VAPB: variants seen among roughly 807,000 people sequenced by gnomAD.
The protein encoded by VAPB is vesicle-associated membrane protein-associated protein B/C.
VAPB carries 7 observed loss-of-function variants against 25.6 expected under a neutral mutation model. The ratio of observed to expected loss-of-function variants is 0.27; its 90% CI spans 0.16 to 0.51. The LOEUF (loss-of-function observed/expected upper bound fraction) is 0.51, where lower values mean the gene tolerates loss of function less well. Ranked by LOEUF, VAPB falls within the 20% of genes least tolerant of loss-of-function variation. VAPB has a pLI of 0.97. For missense variants in VAPB, 266 were observed against 301.3 expected, an observed-to-expected ratio of 0.88 and a Z score of 0.87; for synonymous variants, 112 against 109.2, an observed-to-expected ratio of 1.03 and a Z score of -0.16.
intron 2 of VAPB, among the ~76,000 whole-genome samples, chr20:58,430,738 G>C (rs1286329705): frequency 6.6e-6 from 1 of 151,864 alleles, no homozygotes. Context: ...ACCACACCCA[G>C]ATAATTTTTG....
rs1989432789 is a variant in VAPB at position 58,450,933 on chromosome 20, A to G, written c.*6698A>G. 2.2e-6 allele frequency: 1 copy of G among 453,962 alleles called. No individual in the cohort carries two copies. The highest frequency in any genetic ancestry group is 2.3e-5 in the Admixed American group (1 of 42,558). 28.1% of individuals were successfully genotyped at this position (453,962 alleles called of 1,614,324 possible). The stretch of plus-strand genomic sequence containing the variant: ...TGGCAGCTGACATGATGTTTCCCAG[A>G]GAGAAGGAGATGTATTTCTGCAGGG... On this transcript the variant is annotated 3_prime_UTR_variant, in exon 6 of 6. Coordinates refer to ENST00000475243, the MANE Select transcript of VAPB (RefSeq NM_004738.5).
intron 3 of VAPB, among the ~76,000 whole-genome samples, chr20:58,436,327 CTTTTTTTTTTT>C (rs57100987): frequency 9.6e-5 from 11 of 114,964 alleles, no homozygotes; most frequent in South Asian, 5.6e-4. Flanking sequence ...GTTTTTCTTC[CTTTTTTTTTTT>C]TTTTTTTTTT....
Position 58,437,014 on chromosome 20 carries a change from T to TG in VAPB, c.316-1931_316-1930insG, listed in dbSNP as rs1240968377. Among the ~76,000 whole-genome samples the TG allele has an allele frequency of 7.4e-5, 11 of 149,398 alleles. No homozygotes were observed. In the Admixed American group the frequency reaches 7.4e-4, roughly 10 times the overall value. ...GAACTTTTTTTTTTTTTTTTTTTTTTTTTGAGACAAAGTCTTGCTTTGTCA... is the reference window on the plus strand; with the variant it reads ...GAACTTTTTTTTTTTTTTTTTTTTTTGTTTGAGACAAAGTCTTGCTTTGTCA... On this transcript the variant is annotated intron_variant, in intron 3 of 5. Coordinates refer to ENST00000475243, the MANE Select transcript of VAPB (RefSeq NM_004738.5).
intron 1 of VAPB, among the ~76,000 whole-genome samples, chr20:58,402,107 A>T (rs1029504230): frequency 6.6e-6 from 1 of 152,212 alleles, no homozygotes; most frequent in African/African-American, 2.4e-5. Flanking sequence ...GCTTACAATC[A>T]TTAAATGTCT....
chr20:58,425,302 G>A (rs149659282), intron 2 of VAPB, among the ~76,000 whole-genome samples: 253 of 152,344 alleles, frequency 1.7e-3, no homozygotes, highest in African/African-American at 5.5e-3. Flanking sequence ...TCTTGGAAGG[G>A]AGGGAGTGAC....
At chr20:58,439,259 T>C (rs1989111663) in intron 4 of VAPB, 2 of 532,016 alleles carry the variant, frequency 3.8e-6, no homozygotes, top group East Asian at 6.8e-5. Flanking sequence ...TGCAGCCCGA[T>C]GGCCATTGAG....
chr20:58,433,331 T>G (rs1988966369), intron 2 of VAPB, among the ~76,000 whole-genome samples: 1 of 152,194 alleles, frequency 6.6e-6, no homozygotes, highest in South Asian at 2.1e-4. Flanking sequence ...ATTCTTCATT[T>G]GTAGACCACG....
chr20:58,440,810 C>CCA, intron 4 of VAPB, 97 bp from the exon 5 acceptor site: 1 of 1,112,214 alleles, frequency 9.0e-7, no homozygotes, highest in Admixed American at 2.0e-5. Context: ...TGAAATGCTA[C>CCA]CACGTTTGGT....
chr20:58,405,218 G>A (rs1032451943), intron 1 of VAPB, among the ~76,000 whole-genome samples: 1 of 152,142 alleles, frequency 6.6e-6, no homozygotes, highest in Non-Finnish European at 1.5e-5. Context: ...ATGAGTGTAT[G>A]AACTGTGGAG....
intron 1 of VAPB, 21 bp downstream of exon 1, chr20:58,389,538 C>T (rs749956807): frequency 1.3e-6 from 2 of 1,564,844 alleles, no homozygotes; most frequent in Admixed American, 1.9e-5. Flanking sequence ...GAGGCCGCCA[C>T]CTTCCTGCCC....
At chr20:58,417,364 A>G (rs144154873) in intron 1 of VAPB, among the ~76,000 whole-genome samples, 1 of 152,350 alleles carries the variant, frequency 6.6e-6, no homozygotes, top group Non-Finnish European at 1.5e-5. Flanking sequence ...AAGATCTCCC[A>G]TATTGTTAAT....
intron 1 of VAPB, among the ~76,000 whole-genome samples, chr20:58,414,670 G>A (rs1458443072): frequency 2.0e-5 from 3 of 151,898 alleles, no homozygotes; most frequent in Non-Finnish European, 2.9e-5. Context: ...ATGTGATGGC[G>A]GCCGGAAAGA....
intron 1 of VAPB, among the ~76,000 whole-genome samples, chr20:58,398,395 T>C (rs889196065): frequency 1.3e-5 from 2 of 152,214 alleles, no homozygotes; most frequent in Non-Finnish European, 2.9e-5. Flanking sequence ...AGGTTTTCTT[T>C]ATAGACAGAT....
chr20:58,449,026 G>GC lies in VAPB; in HGVS notation c.*4793dup. ...AACAGCTGAGCTGCTGATGTCTCAG[G>GC]CCTTTCCCTGAATTAGCACTGCGGT... On this transcript the variant is annotated 3_prime_UTR_variant, in exon 6 of 6. Coordinates refer to ENST00000475243, the MANE Select transcript of VAPB (RefSeq NM_004738.5). 2.2e-6 allele frequency: 1 copy of GC among 454,130 alleles called. No homozygotes were observed. The highest frequency in any genetic ancestry group is 4.4e-6 in the Non-Finnish European group (1 of 226,788). 28.1% of individuals were successfully genotyped at this position (454,130 alleles called of 1,614,324 possible). A position where few individuals can be genotyped will look rare whatever the true frequency, so the allele number is the denominator to read the frequency against.
chr20:58,420,273 C>T (rs542850843), intron 2 of VAPB, among the ~76,000 whole-genome samples: 4 of 152,328 alleles, frequency 2.6e-5, no homozygotes, highest in South Asian at 2.1e-4. Flanking sequence ...GCGTGAGCCA[C>T]CGCGCCAGGC....
chr20:58,425,658 A>T (rs1988768320), intron 2 of VAPB, among the ~76,000 whole-genome samples: 1 of 152,120 alleles, frequency 6.6e-6, no homozygotes, highest in African/African-American at 2.4e-5. Context: ...CAGTGTTAGG[A>T]GGTATAGTAC....
intron 2 of VAPB, among the ~76,000 whole-genome samples, chr20:58,423,452 AAAG>A (rs1265344998): frequency 1.2e-3 from 170 of 146,118 alleles, no homozygotes; most frequent in Non-Finnish European, 2.0e-3. Context: ...AAAAAAAAGA[AAAG>A]AAAAATCCTC....
chr20:58,423,228 A>C (rs1444778847), intron 2 of VAPB, among the ~76,000 whole-genome samples: 1 of 151,940 alleles, frequency 6.6e-6, no homozygotes, highest in Admixed American at 6.6e-5. Context: ...CCTGACCAAC[A>C]TGGAGAAACC....
chr20:58,416,593 G>T (rs922734021), intron 1 of VAPB, among the ~76,000 whole-genome samples: 2 of 152,046 alleles, frequency 1.3e-5, no homozygotes, highest in Admixed American at 1.3e-4. Context: ...TGTCCAGAAT[G>T]TCCCTCTAAT....
Sources: allele counts gnomAD v4.1 joint callset (sites outside exome capture counted in the v4.1 genomes callset), GRCh38; gene constraint gnomAD v4.1.1; transcripts MANE v1.5; gene names NCBI Gene and HGNC (gene_info 2026-07-23, HGNC 2026-07-21).